The following PDE1A variants were observed in gnomAD, a reference collection of about 807,000 sequenced individuals.
The protein encoded by PDE1A is phosphodiesterase 1A, also known as dual specificity calcium/calmodulin-dependent 3',5'-cyclic nucleotide phosphodiesterase 1A.
A neutral mutation model predicts 61.7 loss-of-function variants in PDE1A; 35 were observed. That is an observed-to-expected ratio of 0.57 (90% CI 0.43 to 0.75). PDE1A has a LOEUF of 0.75. PDE1A is among the 30% of genes least tolerant of loss of function. The pLI, the probability that PDE1A is intolerant of heterozygous loss-of-function variation, is 0.00. For missense variants in PDE1A, 597 were observed against 630.6 expected, an observed-to-expected ratio of 0.95 and a Z score of 0.57; for synonymous variants, 232 against 213.2, an observed-to-expected ratio of 1.09 and a Z score of -0.77.
the PDE1A span, among the ~76,000 whole-genome samples, chr2:182,639,388 C>T: frequency 5.3e-5 from 8 of 151,900 alleles, no homozygotes; most frequent in African/African-American, 1.7e-4. Context: ...GCCAATGTGG[C>T]GAAAACCCGT....
At chr2:182,535,626 T>C in the PDE1A span, among the ~76,000 whole-genome samples, 2 of 152,156 alleles carry the variant, frequency 1.3e-5, no homozygotes, top group African/African-American at 2.4e-5. Context: ...TTTTGCTTTC[T>C]CTTTTGGGAA....
At chr2:182,626,752 T>TATATAC in the PDE1A span, among the ~76,000 whole-genome samples, 7 of 21,568 alleles carry the variant, frequency 3.2e-4, 1 homozygote, top group Admixed American at 2.3e-3. Flanking sequence ...TATATACATA[T>TATATAC]ATATATATAC....
At chr2:182,549,349 CA>C in the PDE1A span, among the ~76,000 whole-genome samples, 1 of 151,696 alleles carries the variant, frequency 6.6e-6, no homozygotes, top group Non-Finnish European at 1.5e-5. Flanking sequence ...ATTGATTATG[CA>C]AAAAGGCACA....
At chr2:182,598,852 A>G in the PDE1A span, among the ~76,000 whole-genome samples, 2 of 152,196 alleles carry the variant, frequency 1.3e-5, no homozygotes, top group African/African-American at 4.8e-5. Context: ...AAACCACTTT[A>G]CTATGCTCCT....
chr2:182,482,448 C>G, intron 2 of PDE1A, among the ~76,000 whole-genome samples: 1 of 151,392 alleles, frequency 6.6e-6, no homozygotes, highest in Non-Finnish European at 1.5e-5. Flanking sequence ...AATATTTTAC[C>G]AAATTCAAAA....
At chr2:182,367,808 ATATC>A (rs1191382186) in intron 1 of PDE1A, among the ~76,000 whole-genome samples, 2 of 152,080 alleles carry the variant, frequency 1.3e-5, no homozygotes, top group Non-Finnish European at 2.9e-5. Context: ...TAACCTGGAA[ATATC>A]TATCTTATTT....
chr2:182,221,937 T>A (rs917787977), intron 7 of PDE1A, among the ~76,000 whole-genome samples: 3 of 151,406 alleles, frequency 2.0e-5, no homozygotes, highest in African/African-American at 7.3e-5. Flanking sequence ...ATCTCACTCA[T>A]CTTAGGGTCC....
chr2:182,609,503 G>C, the PDE1A span, among the ~76,000 whole-genome samples: 8 of 152,204 alleles, frequency 5.3e-5, no homozygotes, highest in African/African-American at 1.9e-4. Flanking sequence ...AAGGTCTGCA[G>C]CCTCACTCCT....
intron 11 of PDE1A, among the ~76,000 whole-genome samples, chr2:182,188,689 G>A (rs1271295007): frequency 6.6e-6 from 1 of 152,048 alleles, no homozygotes; most frequent in Non-Finnish European, 1.5e-5. Flanking sequence ...ACAATAATCA[G>A]CAACAAAACA....
At chr2:182,270,708 AATTATATACCTATAATATAT>A (rs1239196717) in intron 1 of PDE1A, among the ~76,000 whole-genome samples, 1 of 151,200 alleles carries the variant, frequency 6.6e-6, no homozygotes, top group Non-Finnish European at 1.5e-5. Context: ...AGTTAAAAGA[AATTATATACCTATAATATAT>A]ATTAATATTA....
chr2:182,673,935 A>G, the PDE1A span, among the ~76,000 whole-genome samples: 1 of 150,914 alleles, frequency 6.6e-6, no homozygotes, highest in Non-Finnish European at 1.5e-5. Flanking sequence ...CTTACCATCC[A>G]ATAAAAATAG....
the PDE1A span, among the ~76,000 whole-genome samples, chr2:182,597,522 G>A: frequency 6.6e-6 from 1 of 152,180 alleles, no homozygotes; most frequent in African/African-American, 2.4e-5. Flanking sequence ...GGGGTCCTGG[G>A]AGGGTCCTGA....
chr2:182,538,947 A>G, the PDE1A span, among the ~76,000 whole-genome samples: 1 of 152,192 alleles, frequency 6.6e-6, no homozygotes, highest in Non-Finnish European at 1.5e-5. Flanking sequence ...GATTATGTCA[A>G]AATCAATCTA....
the PDE1A span, among the ~76,000 whole-genome samples, chr2:182,636,991 C>T: frequency 3.3e-5 from 5 of 152,332 alleles, no homozygotes; most frequent in African/African-American, 1.2e-4. Context: ...ATATCTCTGA[C>T]TTGTCTTTCT....
chr2:182,175,149 G>A (rs1324324264), intron 13 of PDE1A, among the ~76,000 whole-genome samples: 1 of 152,146 alleles, frequency 6.6e-6, no homozygotes, highest in Non-Finnish European at 1.5e-5. Context: ...TATCATTGAT[G>A]AGCATTTGGG....
chr2:182,668,437 G>A, the PDE1A span, among the ~76,000 whole-genome samples: 41 of 151,030 alleles, frequency 2.7e-4, 1 homozygote, highest in South Asian at 6.9e-3. Context: ...GCATGAGACC[G>A]AAAAAAAGGC....
At chr2:182,490,733 T>C (rs1688330309) in intron 2 of PDE1A, among the ~76,000 whole-genome samples, 1 of 152,204 alleles carries the variant, frequency 6.6e-6, no homozygotes, top group African/African-American at 2.4e-5. Context: ...ATCAGAATTA[T>C]ACACTAGAGA....
At chr2:182,160,848 G>T (rs983483167) in intron 13 of PDE1A, among the ~76,000 whole-genome samples, 2 of 152,190 alleles carry the variant, frequency 1.3e-5, no homozygotes, top group African/African-American at 4.8e-5. Flanking sequence ...GCCAGGAATG[G>T]TTCTAGAGGA....
chr2:182,572,816 C>T, the PDE1A span, among the ~76,000 whole-genome samples: 1 of 148,942 alleles, frequency 6.7e-6, no homozygotes, highest in African/African-American at 2.5e-5. Context: ...TTGCAGTGAG[C>T]CAAGATTGCG....
Sources: allele counts gnomAD v4.1 joint callset (sites outside exome capture counted in the v4.1 genomes callset), GRCh38; gene constraint gnomAD v4.1.1; transcripts MANE v1.5; gene names NCBI Gene and HGNC (gene_info 2026-07-23, HGNC 2026-07-21).